GRM3: variants seen among roughly 807,000 people sequenced by gnomAD.
GRM3 encodes the protein glutamate metabotropic receptor 3, also known as metabotropic glutamate receptor 3.
GRM3 carries 26 observed loss-of-function variants against 70.5 expected under a neutral mutation model. The ratio of observed to expected loss-of-function variants is 0.37; its 90% CI spans 0.27 to 0.51. The LOEUF is 0.51. Ranked by LOEUF, GRM3 falls within the 20% of genes least tolerant of loss-of-function variation. The pLI is 0.93. For missense variants in GRM3, 859 were observed against 1,123.8 expected, an observed-to-expected ratio of 0.76 and a Z score of 3.37; for synonymous variants, 443 against 434.9, an observed-to-expected ratio of 1.02 and a Z score of -0.23.
Position 86,644,834 on chromosome 7 carries a change from C to A in GRM3, c.-179C>A, listed in dbSNP as rs1247722051. ...AGGCTCACCGCCGCCGCTGCCACCG[C>A]GGTCAGCTCCAGTTCCTGCCAGGAG... On this transcript the variant is annotated 5_prime_UTR_variant, in exon 1 of 6. Transcript: ENST00000361669. The A allele has an allele frequency of 7.8e-7, 1 of 1,289,600 alleles. No homozygotes were observed. The allele number at this position is 1,289,600 out of a possible 1,614,324, so 79.9% of individuals were successfully genotyped here. A position where few individuals can be genotyped will look rare whatever the true frequency, so the allele number is the denominator to read the frequency against.
intron 1 of GRM3, among the ~76,000 whole-genome samples, chr7:86,717,902 C>T (rs966639198): frequency 2.6e-5 from 4 of 151,722 alleles, no homozygotes; most frequent in African/African-American, 4.8e-5. Context: ...TGCATACCAT[C>T]TCCACTGTCA....
chr7:86,828,597 C>CTT (rs1280859726), intron 3 of GRM3, among the ~76,000 whole-genome samples: 2 of 152,106 alleles, frequency 1.3e-5, no homozygotes, highest in African/African-American at 4.8e-5. Context: ...CTTAATTTAA[C>CTT]AATACTTTAT....
intron 2 of GRM3, among the ~76,000 whole-genome samples, chr7:86,777,173 G>A (rs1796913839): frequency 6.6e-6 from 1 of 152,120 alleles, no homozygotes; most frequent in Non-Finnish European, 1.5e-5. Context: ...TAGGATTCGA[G>A]GAATCCTTTG....
intron 1 of GRM3, among the ~76,000 whole-genome samples, chr7:86,711,259 C>T (rs1795193807): frequency 6.6e-6 from 1 of 151,680 alleles, no homozygotes; most frequent in African/African-American, 2.4e-5. Context: ...ACATATATGA[C>T]AGCTTTTGTG....
At chr7:86,787,371 T>C (rs1797281659) in intron 3 of GRM3, among the ~76,000 whole-genome samples, 1 of 152,176 alleles carries the variant, frequency 6.6e-6, no homozygotes, top group Non-Finnish European at 1.5e-5. Flanking sequence ...CTGTGGTAGC[T>C]CCCTAGATTA....
Position 86,765,261 on chromosome 7 carries a change from T to C in GRM3, c.116T>C (p.Leu39Pro). ...LRREIKIEGD[L>P]VLGGLFPINE... ...AGAGAGATTAAAATAGAAGGTGACCTTGTTTTAGGGGGCCTGTTTCCTATT... is the reference window on the plus strand; with the variant it reads ...AGAGAGATTAAAATAGAAGGTGACCCTGTTTTAGGGGGCCTGTTTCCTATT... Residue 39 changes from leucine to proline, a missense_variant, in exon 2 of 6, where the codon CTT becomes CCT. Physicochemically the swap from Leu to Pro is moderately conservative, Grantham distance 98. Transcript: ENST00000361669. 1.9e-6 allele frequency: 3 copies of C among 1,613,878 alleles called. No individual in the cohort carries two copies. The highest frequency in any genetic ancestry group is 1.7e-6 in the Non-Finnish European group (2 of 1,179,852).
intron 1 of GRM3, among the ~76,000 whole-genome samples, chr7:86,647,097 G>T (rs1793492230): frequency 6.6e-6 from 1 of 152,234 alleles, no homozygotes; most frequent in Non-Finnish European, 1.5e-5. Context: ...GGGGATAATT[G>T]TCAAAAGCTC....
At chr7:86,751,154 G>A (rs1187169445) in intron 1 of GRM3, among the ~76,000 whole-genome samples, 1 of 152,040 alleles carries the variant, frequency 6.6e-6, no homozygotes, top group East Asian at 1.9e-4. Context: ...AACTGCATCT[G>A]GAAAGAGCAG....
chr7:86,825,468 A>G (rs1470888393), intron 3 of GRM3, among the ~76,000 whole-genome samples: 1 of 152,244 alleles, frequency 6.6e-6, no homozygotes, highest in African/African-American at 2.4e-5. Flanking sequence ...GCTATGCTAC[A>G]GTGGCTTAGG....
At chr7:86,653,144 T>C (rs916949538) in intron 1 of GRM3, among the ~76,000 whole-genome samples, 2 of 152,230 alleles carry the variant, frequency 1.3e-5, no homozygotes, top group Admixed American at 6.5e-5. Context: ...TTTTTTACTC[T>C]GTGCTCCCAT....
chr7:86,668,863 C>G (rs756772129), intron 1 of GRM3, among the ~76,000 whole-genome samples: 1 of 152,188 alleles, frequency 6.6e-6, no homozygotes, highest in Middle Eastern at 3.4e-3. Context: ...CTTCTGGGAA[C>G]CTTGCTTTAT....
chr7:86,851,132 T>C (rs964128816), intron 5 of GRM3, among the ~76,000 whole-genome samples: 11 of 152,188 alleles, frequency 7.2e-5, no homozygotes, highest in Non-Finnish European at 1.2e-4. Flanking sequence ...TGTTTAACTT[T>C]GTTAAAAGTT....
chr7:86,799,710 T>A (rs983799051), intron 3 of GRM3, among the ~76,000 whole-genome samples: 1 of 152,048 alleles, frequency 6.6e-6, no homozygotes, highest in Non-Finnish European at 1.5e-5. Context: ...GTATTTTTTT[T>A]AGTAGAGACA....
intron 2 of GRM3, among the ~76,000 whole-genome samples, chr7:86,765,861 A>G (rs1375495401): frequency 6.6e-6 from 1 of 152,164 alleles, no homozygotes; most frequent in Admixed American, 6.5e-5. Flanking sequence ...TCAGTGGTTC[A>G]AATAAGAATA....
At chr7:86,840,350 A>G (rs1392023069) in intron 4 of GRM3, among the ~76,000 whole-genome samples, 2 of 152,182 alleles carry the variant, frequency 1.3e-5, no homozygotes, top group Admixed American at 6.6e-5. Context: ...TGCAATATTA[A>G]GCCAGGATAA....
At position 86,667,640 on chromosome 7, in the gene GRM3, T is replaced by C. The variant is rs528721155; in HGVS notation, c.-141+22768T>C. On this transcript the variant is annotated intron_variant, in intron 1 of 5. Coordinates refer to ENST00000361669, the MANE Select transcript of GRM3 (RefSeq NM_000840.3). Reference sequence around the variant, plus strand: ...TGGACAGCAAAGGTAAAACTGAGTATGCTCTAGCAATAGAGCATAATAGGG... The same window carrying C: ...TGGACAGCAAAGGTAAAACTGAGTACGCTCTAGCAATAGAGCATAATAGGG... Among the ~76,000 whole-genome samples, 6 of 152,288 alleles carry C rather than the reference T, an allele frequency of 3.9e-5. No individual in the cohort carries two copies. The East Asian group carries it at 1.2e-3, about 29-fold the overall frequency.
At chr7:86,750,563 A>AATGGATAAAATC (rs1334090861) in intron 1 of GRM3, among the ~76,000 whole-genome samples, 1 of 152,090 alleles carries the variant, frequency 6.6e-6, no homozygotes, top group East Asian at 1.9e-4. Context: ...AAAAGAAGTG[A>AATGGATAAAATC]ATGGATAAAA....
chr7:86,712,443 G>C (rs1795220216), intron 1 of GRM3, among the ~76,000 whole-genome samples: 1 of 151,802 alleles, frequency 6.6e-6, no homozygotes, highest in African/African-American at 2.4e-5. Flanking sequence ...ATCAAATCAG[G>C]GTAACTGTCA....
chr7:86,769,113 C>A (rs80164818), intron 2 of GRM3, among the ~76,000 whole-genome samples: 5,535 of 152,136 alleles, frequency 0.036, 308 homozygotes, highest in African/African-American at 0.12. Flanking sequence ...TCTCTGGGTA[C>A]CTCTGATACT....
Sources: gnomAD v4.1 joint callset for allele counts (sites outside exome capture counted in the v4.1 genomes callset) on GRCh38, gnomAD v4.1.1 for gene constraint, MANE v1.5 for transcripts, NCBI Gene and HGNC (gene_info 2026-07-23, HGNC 2026-07-21) for gene names.